MYLK4: variants seen among roughly 807,000 people sequenced by gnomAD.
The protein encoded by MYLK4 is myosin light chain kinase family member 4.
In MYLK4, 46 loss-of-function variants were observed where a neutral mutation model predicts 48.1. The observed-to-expected ratio is 0.96, with a 90% confidence interval of 0.75 to 1.22. The LOEUF (loss-of-function observed/expected upper bound fraction) is 1.22, where lower values mean the gene tolerates loss of function less well. Among genes scored for constraint, MYLK4 ranks in the 50% most tolerant of loss-of-function variants. MYLK4 has a pLI of 0.00. For synonymous variants in MYLK4, 170 were observed against 180.8 expected (o/e 0.94, Z 0.48); for missense variants, 451 against 486.1 (o/e 0.93, Z 0.68).
At chr6:2,765,752 C>A in the MYLK4 span, 2 of 1,498,234 alleles carry the variant, frequency 1.3e-6, no homozygotes, top group African/African-American at 1.4e-5. Context: ...GCTGCTCCAC[C>A]CGGCGGGGCA....
At chr6:2,726,981 T>C (rs529009338) in intron 2 of MYLK4, among the ~76,000 whole-genome samples, 102 of 152,306 alleles carry the variant, frequency 6.7e-4, no homozygotes, top group African/African-American at 2.3e-3. Context: ...CTTAAAACTG[T>C]ATTATTATCT....
chr6:2,770,109 C>T, the MYLK4 span: 1 of 1,613,962 alleles, frequency 6.2e-7, no homozygotes, highest in Non-Finnish European at 8.5e-7. Context: ...CTGTTTTCCT[C>T]CCATGATTAG....
the MYLK4 span, among the ~76,000 whole-genome samples, chr6:2,767,982 TAAAC>T: frequency 6.6e-6 from 1 of 152,234 alleles, no homozygotes; most frequent in Non-Finnish European, 1.5e-5. Flanking sequence ...TCACAGTCAT[TAAAC>T]AGTCTTCAGT....
At chr6:2,752,915 A>C (rs530083297), upstream of MYLK4, among the ~76,000 whole-genome samples, 1 of 152,324 alleles carries the variant, frequency 6.6e-6, no homozygotes, top group South Asian at 2.1e-4. Context: ...CAGGACAAGC[A>C]CACTGCTGGC....
chr6:2,755,244 A>G (rs535557451), upstream of MYLK4, among the ~76,000 whole-genome samples: 2 of 152,320 alleles, frequency 1.3e-5, no homozygotes, highest in East Asian at 3.9e-4. Flanking sequence ...TGTTCCTTTA[A>G]TTATATCCCT....
intron 2 of MYLK4, among the ~76,000 whole-genome samples, chr6:2,694,581 G>A (rs9378727): frequency 1.3e-4 from 12 of 89,166 alleles, no homozygotes; most frequent in Admixed American, 2.7e-4. Context: ...AGTGCTGCTG[G>A]TGGTGGTGGT....
chr6:2,694,566 G>C (rs1342427345), intron 2 of MYLK4, among the ~76,000 whole-genome samples: 1 of 113,930 alleles, frequency 8.8e-6, no homozygotes, highest in African/African-American at 3.2e-5. Context: ...CGTGGTGGTA[G>C]TGGTAGTGCT....
intron 2 of MYLK4, among the ~76,000 whole-genome samples, chr6:2,747,702 T>C (rs1405796384): frequency 7.2e-5 from 11 of 152,170 alleles, no homozygotes; most frequent in African/African-American, 2.7e-4. Context: ...GTATCATAGA[T>C]TTTGGAGAAA....
At chr6:2,722,579 C>A (rs1763111298) in intron 2 of MYLK4, among the ~76,000 whole-genome samples, 1 of 145,592 alleles carries the variant, frequency 6.9e-6, no homozygotes, top group African/African-American at 2.5e-5. Context: ...ATAGAAGAGA[C>A]CTAATCCTCA....
At chr6:2,752,320 G>A (rs1316110927), upstream of MYLK4, among the ~76,000 whole-genome samples, 1 of 152,044 alleles carries the variant, frequency 6.6e-6, no homozygotes, top group African/African-American at 2.4e-5. Flanking sequence ...CGTTGGTATG[G>A]TATACTTGTC....
chr6:2,687,071 G>A (rs146459686), intron 4 of MYLK4, among the ~76,000 whole-genome samples: 1 of 152,278 alleles, frequency 6.6e-6, no homozygotes, highest in East Asian at 1.9e-4. Context: ...ATTGAACATG[G>A]CAAGCAGGGA....
chr6:2,762,816 G>A, the MYLK4 span, among the ~76,000 whole-genome samples: 3 of 152,178 alleles, frequency 2.0e-5, no homozygotes, highest in South Asian at 2.1e-4. Context: ...GACCGTTAGA[G>A]GTCTTAGGTC....
At chr6:2,755,743 C>G (rs1764414521), upstream of MYLK4, among the ~76,000 whole-genome samples, 1 of 152,102 alleles carries the variant, frequency 6.6e-6, no homozygotes, top group Admixed American at 6.5e-5. Flanking sequence ...TTCCTAGTCT[C>G]TCTCTCTTTT....
chr6:2,766,351 C>T, the MYLK4 span: 16 of 1,610,306 alleles, frequency 9.9e-6, no homozygotes, highest in African/African-American at 4.0e-5. Flanking sequence ...TCGGGCAGAG[C>T]AAGGCCGTGG....
At position 2,664,349 on chromosome 6, in the gene MYLK4, G is replaced by A. The variant is rs985119193; in HGVS notation, c.*3576C>T. On this transcript the variant is annotated 3_prime_UTR_variant, in exon 13 of 13. Coordinates refer to ENST00000274643, the MANE Select transcript of MYLK4 (RefSeq NM_001012418.5). The stretch of plus-strand genomic sequence containing the variant: ...CACAGGGATGACAGGACGGCCAGGG[G>A]ACAGGAAAGAACCGAGTCCGAGGAC... 2.6e-5 allele frequency: 4 copies of A among 152,250 alleles called. No homozygotes were observed. The highest frequency in any genetic ancestry group is 9.6e-5 in the African/African-American group (4 of 41,476). The allele number at this position is 152,250 out of a possible 1,614,324, so 9.4% of individuals were successfully genotyped here. A position where few individuals can be genotyped will look rare whatever the true frequency, so the allele number is the denominator to read the frequency against.
At chr6:2,730,996 T>C (rs188834370) in intron 2 of MYLK4, among the ~76,000 whole-genome samples, 234 of 152,254 alleles carry the variant, frequency 1.5e-3, no homozygotes, top group African/African-American at 5.3e-3. Flanking sequence ...TTAAAATTTA[T>C]AAACCACGAA....
rs1468486648 is a variant in MYLK4 at position 2,665,095 on chromosome 6, TGGA to T, written c.*2827_*2829del. 3 of 152,236 alleles carry T rather than the reference TGGA, an allele frequency of 2.0e-5. No homozygotes were observed. The highest frequency in any genetic ancestry group is 7.2e-5 in the African/African-American group (3 of 41,550). The allele number at this position is 152,236 out of a possible 1,614,324, so 9.4% of individuals were successfully genotyped here. On this transcript the variant is annotated 3_prime_UTR_variant, in exon 13 of 13. Coordinates refer to ENST00000274643, the MANE Select transcript of MYLK4 (RefSeq NM_001012418.5). The stretch of plus-strand genomic sequence containing the variant: ...AAAGCCATACCATCCATTAAGAGGG[TGGA>T]GGAGAAATACAGCCTCCCAAATCCT...
intron 2 of MYLK4, among the ~76,000 whole-genome samples, chr6:2,703,734 G>A (rs909725009): frequency 3.0e-5 from 4 of 132,010 alleles, no homozygotes; most frequent in Non-Finnish European, 4.6e-5. Context: ...GCAGTAGCAC[G>A]ATTTCGGCTC....
the MYLK4 span, chr6:2,770,324 A>T: frequency 1.2e-6 from 2 of 1,614,124 alleles, no homozygotes. Context: ...TAGCCGTCCC[A>T]CTGACCCTCT....
Sources: gnomAD v4.1 joint callset for allele counts (sites outside exome capture counted in the v4.1 genomes callset) on GRCh38, gnomAD v4.1.1 for gene constraint, MANE v1.5 for transcripts, NCBI Gene and HGNC (gene_info 2026-07-23, HGNC 2026-07-21) for gene names.